CDH18: variants seen among roughly 807,000 people sequenced by gnomAD.
CDH18 encodes the protein cadherin 18, also known as cadherin-18.
Under a neutral mutation model 67.9 loss-of-function variants are expected in CDH18, and 31 were observed. The ratio of observed to expected loss-of-function variants is 0.46; its 90% CI spans 0.34 to 0.62. CDH18 has a LOEUF of 0.62. Among genes scored for constraint, CDH18 ranks in the 20% least tolerant of loss-of-function variants. The pLI, the probability that CDH18 is intolerant of heterozygous loss-of-function variation, is 0.01. For missense variants in CDH18, 890 were observed against 975.5 expected (o/e 0.91, Z 1.17); for synonymous variants, 362 against 347.2 (o/e 1.04, Z -0.48).
At chr5:20,392,500 C>T (rs867988694) in intron 1 of CDH18, among the ~76,000 whole-genome samples, 3 of 151,684 alleles carry the variant, frequency 2.0e-5, no homozygotes, top group South Asian at 2.1e-4. Context: ...TAATTTCTAG[C>T]TAAAATTTTC....
At chr5:20,534,138 T>C (rs1229973536) in intron 1 of CDH18, among the ~76,000 whole-genome samples, 4 of 152,068 alleles carry the variant, frequency 2.6e-5, no homozygotes, top group Non-Finnish European at 5.9e-5. Flanking sequence ...TTTGCCAAAA[T>C]TGCAGATCAC....
intron 2 of CDH18, among the ~76,000 whole-genome samples, chr5:19,945,110 C>A (rs577300890): frequency 1.1e-3 from 168 of 152,244 alleles, no homozygotes; most frequent in Admixed American, 2.2e-3. Flanking sequence ...TATCTTCAAG[C>A]CCTCCATCTA....
chr5:20,508,355 A>G (rs1265338340), intron 1 of CDH18, among the ~76,000 whole-genome samples: 4 of 135,322 alleles, frequency 3.0e-5, no homozygotes, highest in African/African-American at 8.2e-5. Context: ...ATATATATAT[A>G]TATATATATA....
Position 20,191,010 on chromosome 5 carries a change from A to T in CDH18, c.-518+64434T>A, listed in dbSNP as rs1387457764. On this transcript the variant is annotated intron_variant, in intron 2 of 14. Transcript: ENST00000507958. ...CTTTTGCATTTTCAACCCATATTTC[A>T]CTACTGTCTATGGCAGTGAAGGCTC... Among the ~76,000 whole-genome samples the T allele has an allele frequency of 5.3e-5, 8 of 152,178 alleles. 1 individual carries two copies. The highest frequency in any genetic ancestry group is 1.9e-4 in the African/African-American group (8 of 41,536).
chr5:20,337,103 T>C (rs541983497), intron 1 of CDH18, among the ~76,000 whole-genome samples: 1 of 152,260 alleles, frequency 6.6e-6, no homozygotes, highest in African/African-American at 2.4e-5. Context: ...TCAGACCCCC[T>C]CTCTTTGCCT....
rs1333303954 is a variant in CDH18 at position 19,873,842 on chromosome 5, T to A, written c.-256-34600A>T. ...TTTTGTATTTTAGTAGAGATGGGGT[T>A]TCACCATGTTGCCCAGGCAGGTTGC... On this transcript the variant is annotated intron_variant, in intron 2 of 12. Coordinates refer to ENST00000382275, the MANE Select transcript of CDH18 (RefSeq NM_004934.5). 2.0e-5 allele frequency among the ~76,000 whole-genome samples: 3 copies of A among 151,994 alleles called. No homozygotes were observed. In the East Asian group the frequency reaches 5.8e-4, roughly 30 times the overall value.
chr5:20,387,176 A>G (rs569112073), intron 1 of CDH18, among the ~76,000 whole-genome samples: 1 of 152,286 alleles, frequency 6.6e-6, no homozygotes, highest in East Asian at 1.9e-4. Context: ...GGACATTTTC[A>G]TGATATTGAT....
At chr5:19,779,852 G>A (rs904782753) in intron 3 of CDH18, among the ~76,000 whole-genome samples, 5 of 151,952 alleles carry the variant, frequency 3.3e-5, no homozygotes, top group Admixed American at 3.3e-4. Flanking sequence ...AATAACAAGT[G>A]GCTCATATTT....
intron 1 of CDH18, among the ~76,000 whole-genome samples, chr5:20,491,812 T>G (rs1753603673): frequency 6.6e-6 from 1 of 152,144 alleles, no homozygotes; most frequent in African/African-American, 2.4e-5. Flanking sequence ...TGACCAAATA[T>G]CTGGACACTA....
chr5:20,392,105 T>A (rs1744915210), intron 1 of CDH18, among the ~76,000 whole-genome samples: 1 of 151,854 alleles, frequency 6.6e-6, no homozygotes, highest in Non-Finnish European at 1.5e-5. Flanking sequence ...TAAAGAAAGA[T>A]AAAATAATAT....
Position 19,544,001 on chromosome 5 carries a change from A to C in CDH18, c.1258T>G (p.Phe420Val), listed in dbSNP as rs1735876201. The change falls in exon 9 of 13, where the codon TTC becomes GTC. Residue 420 changes from phenylalanine to valine, a missense_variant. Around this residue, in one of 2 missense-constraint regions of CDH18, gnomAD observed 656 missense variants for 668.1 expected, o/e 0.98. Transcript: ENST00000382275. ...PDSTNSLVRYFINYNVEDDRF... is the reference protein window; with the variant it reads ...PDSTNSLVRYVINYNVEDDRF... ...TCGTCTTCAACATTGTAGTTGATGAAGTATCTAGAGAAAAAAAGAGAAGTT... is the reference window on the plus strand; with the variant it reads ...TCGTCTTCAACATTGTAGTTGATGACGTATCTAGAGAAAAAAAGAGAAGTT... The C allele has an allele frequency of 1.9e-5, 29 of 1,541,272 alleles. No homozygotes were observed. Among genetic ancestry groups the C allele is most frequent in the Non-Finnish European group, 2.6e-5 (29 of 1,135,344 alleles).
intron 11 of CDH18, 134 bp from the exon 12 acceptor site, chr5:19,483,686 G>T: frequency 2.3e-6 from 2 of 867,806 alleles, no homozygotes; most frequent in Non-Finnish European, 3.4e-6. Flanking sequence ...GAACACGAAG[G>T]GGCAATTATT....
At chr5:20,258,092 G>A (rs182453080) in intron 1 of CDH18, among the ~76,000 whole-genome samples, 290 of 152,126 alleles carry the variant, frequency 1.9e-3, no homozygotes, top group Non-Finnish European at 2.7e-3. Context: ...AGTCCCTACA[G>A]GTTGTCCATA....
intron 1 of CDH18, among the ~76,000 whole-genome samples, chr5:20,540,447 CCAGT>C (rs1343561126): frequency 3.3e-5 from 5 of 152,032 alleles, no homozygotes; most frequent in Admixed American, 6.6e-5. Flanking sequence ...ATATGATGCA[CCAGT>C]CACAGTTTTA....
At chr5:20,337,708 CA>C (rs1171034223) in intron 1 of CDH18, among the ~76,000 whole-genome samples, 1 of 152,164 alleles carries the variant, frequency 6.6e-6, no homozygotes, top group Non-Finnish European at 1.5e-5. Context: ...CTGAGCCCTC[CA>C]AACAATTCCA....
chr5:19,985,147 A>G (rs1799433736), intron 1 of CDH18, among the ~76,000 whole-genome samples: 1 of 152,138 alleles, frequency 6.6e-6, no homozygotes, highest in Admixed American at 6.5e-5. Context: ...ATGTTAGCAT[A>G]TGATAATATA....
intron 2 of CDH18, among the ~76,000 whole-genome samples, chr5:20,239,966 A>T (rs1742769460): frequency 6.6e-6 from 1 of 152,128 alleles, no homozygotes; most frequent in African/African-American, 2.4e-5. Context: ...TAAGTGAATT[A>T]CACTAAATTG....
intron 8 of CDH18, 139 bp from the exon 9 acceptor site, chr5:19,544,144 T>C (rs955675823): frequency 1.9e-5 from 8 of 410,598 alleles, no homozygotes; most frequent in African/African-American, 1.4e-4. Context: ...GGCAACTTTA[T>C]ATTTTTATAG....
intron 5 of CDH18, among the ~76,000 whole-genome samples, chr5:19,692,928 A>T (rs552697467): frequency 7.0e-4 from 106 of 152,256 alleles, no homozygotes; most frequent in Non-Finnish European, 1.3e-3. Flanking sequence ...TATCAAAGGT[A>T]TAACTACACC....
Sources: allele counts gnomAD v4.1 joint callset (sites outside exome capture counted in the v4.1 genomes callset), GRCh38; gene constraint gnomAD v4.1.1; regional missense constraint gnomAD v4.1.1; transcripts MANE v1.5; gene names NCBI Gene and HGNC (gene_info 2026-07-23, HGNC 2026-07-21).